Variants in DPY19L2 observed in about 807,000 individuals in gnomAD.
The protein encoded by DPY19L2 is dpy-19 like 2.
DPY19L2 carries 34 observed loss-of-function variants against 97.9 expected under a neutral mutation model. The ratio of observed to expected loss-of-function variants is 0.35; its 90% CI spans 0.26 to 0.46. The LOEUF is 0.46. Ranked by LOEUF, DPY19L2 falls within the 20% of genes least tolerant of loss-of-function variation. The pLI is 1.00. For missense variants in DPY19L2, 623 were observed against 911.4 expected (o/e 0.68, Z 4.07); for synonymous variants, 230 against 307.9 (o/e 0.75, Z 2.65).
intron 12 of DPY19L2, 32 bp downstream of exon 12, chr12:63,608,584 A>C: frequency 6.7e-7 from 1 of 1,496,234 alleles, no homozygotes; most frequent in Non-Finnish European, 9.2e-7. Context: ...AGTAGAATTT[A>C]AATAAACTGC....
intron 19 of DPY19L2, among the ~76,000 whole-genome samples, chr12:63,574,283 C>A (rs1036904143): frequency 6.6e-6 from 1 of 151,792 alleles, no homozygotes; most frequent in Non-Finnish European, 1.5e-5. Flanking sequence ...ATATTATTTG[C>A]AAGCCTCATG....
chr12:63,648,491 A>G (rs1197940892), intron 4 of DPY19L2, among the ~76,000 whole-genome samples: 1 of 151,386 alleles, frequency 6.6e-6, no homozygotes, highest in East Asian at 1.9e-4. Context: ...CAGTGGCATG[A>G]TCTCGGCTCA....
At chr12:63,607,523 G>A (rs539715886) in intron 12 of DPY19L2, among the ~76,000 whole-genome samples, 1 of 152,250 alleles carries the variant, frequency 6.6e-6, no homozygotes, top group African/African-American at 2.4e-5. Flanking sequence ...TCACCATAAA[G>A]GATGGGAGAA....
At chr12:63,653,514 C>G (rs1894555323) in intron 4 of DPY19L2, among the ~76,000 whole-genome samples, 1 of 152,010 alleles carries the variant, frequency 6.6e-6, no homozygotes, top group African/African-American at 2.4e-5. Context: ...CACCACTGCA[C>G]TCCAGCCTGG....
chr12:63,644,215 T>C (rs1893081521), intron 6 of DPY19L2, among the ~76,000 whole-genome samples, 188 bp downstream of exon 6: 1 of 152,074 alleles, frequency 6.6e-6, no homozygotes, highest in Non-Finnish European at 1.5e-5. Context: ...GACTTTGAGA[T>C]AGAATTTTAG....
intron 16 of DPY19L2, among the ~76,000 whole-genome samples, chr12:63,585,152 T>C (rs982957821): frequency 1.8e-4 from 27 of 152,156 alleles, no homozygotes; most frequent in African/African-American, 6.3e-4. Flanking sequence ...ACAATACTTA[T>C]CTTCATGGAG....
chr12:63,661,536 A>G, intron 3 of DPY19L2, 55 bp from the exon 4 acceptor site: 1 of 1,282,860 alleles, frequency 7.8e-7, no homozygotes, highest in East Asian at 3.1e-5. Context: ...TAAAATATTT[A>G]TTTTTATCAC....
intron 6 of DPY19L2, among the ~76,000 whole-genome samples, chr12:63,631,370 G>A (rs1228062941): frequency 6.6e-6 from 1 of 152,060 alleles, no homozygotes; most frequent in East Asian, 1.9e-4. Context: ...AATAAAAAAT[G>A]ATAAAGGGGA....
At position 63,629,319 on chromosome 12, in the gene DPY19L2, A is replaced by G. The variant is rs183182747; in HGVS notation, c.804-2793T>C. ...TGGCAAAGAAGTTAAAAACCTTGAA[A>G]AAAAATTAGACGAATGGCTAACTAG... On this transcript the variant is annotated intron_variant, in intron 6 of 21. Coordinates refer to ENST00000324472, the MANE Select transcript of DPY19L2 (RefSeq NM_173812.5). Among the ~76,000 whole-genome samples, 895 of 152,290 alleles carry G rather than the reference A, an allele frequency of 5.9e-3. 6 individuals are homozygous for G. Among genetic ancestry groups the G allele is most frequent in the Middle Eastern group, 0.02 (6 of 294 alleles).
At chr12:63,616,507 C>T (rs931043175) in intron 11 of DPY19L2, among the ~76,000 whole-genome samples, 22 of 152,004 alleles carry the variant, frequency 1.4e-4, no homozygotes, top group African/African-American at 5.1e-4. Flanking sequence ...TTGGCATTAC[C>T]GTAGTTGGTA....
intron 16 of DPY19L2, among the ~76,000 whole-genome samples, chr12:63,586,412 A>T (rs1881805585): frequency 6.6e-6 from 1 of 152,236 alleles, no homozygotes; most frequent in South Asian, 2.1e-4. Flanking sequence ...TTCTTAAAAC[A>T]TAACAGATAA....
At chr12:63,628,181 A>G (rs532674785) in intron 6 of DPY19L2, among the ~76,000 whole-genome samples, 23 of 152,294 alleles carry the variant, frequency 1.5e-4, no homozygotes, top group Non-Finnish European at 2.5e-4. Flanking sequence ...CAACTGAGGT[A>G]CTGTGTTTAT....
chr12:63,586,792 A>G (rs1881868669), intron 16 of DPY19L2, among the ~76,000 whole-genome samples: 1 of 152,204 alleles, frequency 6.6e-6, no homozygotes, highest in Non-Finnish European at 1.5e-5. Context: ...CTTAATATCA[A>G]GATGAATACA....
At chr12:63,623,012 T>C (rs1888943706) in intron 8 of DPY19L2, among the ~76,000 whole-genome samples, 1 of 152,124 alleles carries the variant, frequency 6.6e-6, no homozygotes, top group South Asian at 2.1e-4. Context: ...ATGACTTTTA[T>C]ATAAGGCAGA....
At chr12:63,562,042 T>C (rs183136566) in intron 21 of DPY19L2, among the ~76,000 whole-genome samples, 391 of 152,320 alleles carry the variant, frequency 2.6e-3, no homozygotes, top group African/African-American at 9.0e-3. Context: ...TTGTTTCTTA[T>C]TGAGGTGTGA....
intron 10 of DPY19L2, 106 bp downstream of exon 10, chr12:63,618,045 T>C (rs1888119184): frequency 9.0e-7 from 1 of 1,112,530 alleles, no homozygotes; most frequent in Admixed American, 2.5e-5. Flanking sequence ...ACCATATGTA[T>C]TAAATATTAC....
chr12:63,594,695 C>T (rs936977669), intron 15 of DPY19L2, among the ~76,000 whole-genome samples: 1 of 151,844 alleles, frequency 6.6e-6, no homozygotes, highest in African/African-American at 2.4e-5. Flanking sequence ...TGCTAGTGCA[C>T]ATGCATAGTT....
rs758845444 is a variant in DPY19L2, at chr12:63,583,827, G to A, written c.1590C>T (p.Leu530=). 8 of 1,611,120 alleles carry A rather than the reference G, an allele frequency of 5.0e-6. No individual in the cohort carries two copies. Among genetic ancestry groups the A allele is most frequent in the Non-Finnish European group, 6.8e-6 (8 of 1,178,008 alleles). The change falls in exon 17 of 22, where the codon CTC becomes CTT. Residue 530 remains leucine, a synonymous_variant. Transcript: ENST00000324472. ...LATNIYLRKQ[L]LEHSELAFHT... ...AAAGCTTTACCTCACTGTGTTCAAGGAGCTGTTTTCTAGAATAAAACAAAA... is the reference window on the plus strand; with the variant it reads ...AAAGCTTTACCTCACTGTGTTCAAGAAGCTGTTTTCTAGAATAAAACAAAA...
chr12:63,637,387 C>T (rs1419781031), intron 6 of DPY19L2, among the ~76,000 whole-genome samples: 1 of 151,350 alleles, frequency 6.6e-6, no homozygotes, highest in Non-Finnish European at 1.5e-5. Context: ...GAGATAGAGA[C>T]ACAAAAAACT....
Sources: allele counts gnomAD v4.1 joint callset (sites outside exome capture counted in the v4.1 genomes callset), GRCh38; gene constraint gnomAD v4.1.1; transcripts MANE v1.5; gene names NCBI Gene and HGNC (gene_info 2026-07-23, HGNC 2026-07-21).